The following BLTP3A variants were observed in gnomAD, a reference collection of about 807,000 sequenced individuals.
The protein encoded by BLTP3A is bridge-like lipid transfer protein family member 3A.
the BLTP3A span, among the ~76,000 whole-genome samples, chr6:34,809,940 T>G: frequency 1.3e-5 from 2 of 152,190 alleles, no homozygotes; most frequent in Non-Finnish European, 2.9e-5. Context: ...TGTATATGTA[T>G]TATATATTGT....
the BLTP3A span, among the ~76,000 whole-genome samples, chr6:34,802,078 A>G: frequency 1.3e-5 from 2 of 152,280 alleles, no homozygotes; most frequent in Middle Eastern, 3.4e-3. Flanking sequence ...GGAAACTGCC[A>G]TGAGGGAAGA....
the BLTP3A span, among the ~76,000 whole-genome samples, chr6:34,832,283 G>T: frequency 2.6e-5 from 4 of 151,948 alleles, no homozygotes; most frequent in Non-Finnish European, 5.9e-5. Context: ...ACTGTATCTG[G>T]CTAATTTTTT....
the BLTP3A span, among the ~76,000 whole-genome samples, chr6:34,839,037 GGTCAGGAGTTTGAGACCA>G: frequency 6.6e-6 from 1 of 152,190 alleles, no homozygotes; most frequent in Non-Finnish European, 1.5e-5. Context: ...GATCACCTGA[GGTCAGGAGTTTGAGACCA>G]GCCTGACCAA....
At chr6:34,857,837 T>C in the BLTP3A span, 9 of 1,614,006 alleles carry the variant, frequency 5.6e-6, no homozygotes, top group Non-Finnish European at 7.6e-6. Context: ...CTTGGAGCAG[T>C]TCAAAGCTAT....
the BLTP3A span, chr6:34,856,007 G>A: frequency 1.1e-6 from 1 of 878,286 alleles, no homozygotes; most frequent in South Asian, 5.2e-5. Flanking sequence ...GTAGTCCATA[G>A]TCAAATATGG....
At chr6:34,859,649 A>C in the BLTP3A span, 2 of 1,561,304 alleles carry the variant, frequency 1.3e-6, no homozygotes, top group Non-Finnish European at 1.7e-6. Context: ...GCCTCTTACT[A>C]TGTGCATTTC....
At chr6:34,858,306 C>A in the BLTP3A span, 223 of 1,614,200 alleles carry the variant, frequency 1.4e-4, no homozygotes, top group African/African-American at 2.7e-3. Flanking sequence ...ATTATGATCA[C>A]TTTCCTAAGG....
chr6:34,855,173 CT>C, the BLTP3A span, among the ~76,000 whole-genome samples: 3 of 152,188 alleles, frequency 2.0e-5, no homozygotes, highest in Non-Finnish European at 4.4e-5. Context: ...AGCTTTAGCT[CT>C]GAGGCCAGGA....
the BLTP3A span, chr6:34,872,205 T>C: frequency 7.6e-7 from 1 of 1,314,280 alleles, no homozygotes; most frequent in Non-Finnish European, 1.0e-6. Flanking sequence ...ATCATTGACA[T>C]AACTTGTGGA....
the BLTP3A span, among the ~76,000 whole-genome samples, chr6:34,814,430 T>TG: frequency 1.3e-5 from 2 of 152,086 alleles, no homozygotes; most frequent in Non-Finnish European, 2.9e-5. Flanking sequence ...ATCCATTTTT[T>TG]GTTGACTCCT....
At chr6:34,852,202 TGTG>T in the BLTP3A span, among the ~76,000 whole-genome samples, 1 of 152,114 alleles carries the variant, frequency 6.6e-6, no homozygotes, top group Non-Finnish European at 1.5e-5. Context: ...AGTCTCTCCT[TGTG>T]GTCACCACAG....
At chr6:34,838,028 T>G in the BLTP3A span, among the ~76,000 whole-genome samples, 1 of 152,242 alleles carries the variant, frequency 6.6e-6, no homozygotes, top group Non-Finnish European at 1.5e-5. Context: ...TAATCCATAC[T>G]AAGATGTGAA....
chr6:34,864,861 G>A, the BLTP3A span, among the ~76,000 whole-genome samples: 1 of 151,918 alleles, frequency 6.6e-6, no homozygotes, highest in African/African-American at 2.4e-5. Context: ...TCAACTACTC[G>A]GGAGGCTGAG....
At chr6:34,832,931 ACCT>A in the BLTP3A span, among the ~76,000 whole-genome samples, 1 of 151,182 alleles carries the variant, frequency 6.6e-6, no homozygotes, top group African/African-American at 2.4e-5. Flanking sequence ...GAATTTTCAG[ACCT>A]CCTTTTATCT....
At chr6:34,840,323 C>T in the BLTP3A span, among the ~76,000 whole-genome samples, 2 of 149,726 alleles carry the variant, frequency 1.3e-5, no homozygotes, top group Admixed American at 6.7e-5. Flanking sequence ...ATGCCAAAGG[C>T]GGGTGGGTCA....
At chr6:34,828,435 A>G in the BLTP3A span, among the ~76,000 whole-genome samples, 2 of 148,748 alleles carry the variant, frequency 1.3e-5, no homozygotes, top group South Asian at 2.1e-4. Flanking sequence ...TGGGTGACAG[A>G]GCAAGACTCC....
chr6:34,856,724 T>G, the BLTP3A span: 3 of 1,564,378 alleles, frequency 1.9e-6, no homozygotes, highest in African/African-American at 2.7e-5. Flanking sequence ...ATTTTTACTT[T>G]CCTTATTCTA....
At chr6:34,855,815 T>C in the BLTP3A span, 1 of 1,547,050 alleles carries the variant, frequency 6.5e-7, no homozygotes, top group Non-Finnish European at 8.7e-7. Flanking sequence ...TTGCAGTGCA[T>C]GCTCAGAGGG....
chr6:34,802,613 G>A, the BLTP3A span, among the ~76,000 whole-genome samples: 1 of 151,894 alleles, frequency 6.6e-6, no homozygotes, highest in African/African-American at 2.4e-5. Context: ...CGCCTGCCTC[G>A]GCCTCCCAAA....
Sources: gnomAD v4.1 joint callset for allele counts (sites outside exome capture counted in the v4.1 genomes callset) on GRCh38, gnomAD v4.1.1 for gene constraint, MANE v1.5 for transcripts, NCBI Gene and HGNC (gene_info 2026-07-23, HGNC 2026-07-21) for gene names.